Variants in PPP1R9A observed in about 807,000 individuals in gnomAD.
PPP1R9A encodes the protein protein phosphatase 1 regulatory subunit 9A.
Under a neutral mutation model 141.9 loss-of-function variants are expected in PPP1R9A, and 59 were observed. That is an observed-to-expected ratio of 0.42 (90% confidence interval 0.34 to 0.52). PPP1R9A has a LOEUF of 0.52. Ranked by LOEUF, PPP1R9A falls within the 20% of genes least tolerant of loss-of-function variation. PPP1R9A has a pLI of 0.10. For synonymous variants in PPP1R9A, 500 were observed against 569.7 expected (o/e 0.88, Z 1.74); for missense variants, 1,444 against 1,611.9 (o/e 0.90, Z 1.78).
chr7:94,996,421 AAAAAGTCCTCTTTAG>A (rs1245342454), intron 2 of PPP1R9A, among the ~76,000 whole-genome samples: 2 of 152,326 alleles, frequency 1.3e-5, no homozygotes, highest in East Asian at 3.9e-4. Context: ...TATCTGACAA[AAAAAGTCCTCTTTAG>A]ACTTTTTAAA....
chr7:94,991,729 G>T (rs557551880), intron 2 of PPP1R9A, among the ~76,000 whole-genome samples: 41 of 152,112 alleles, frequency 2.7e-4, no homozygotes, highest in African/African-American at 9.2e-4. Flanking sequence ...ATGGCTCACC[G>T]CAGCCTTGAC....
At chr7:95,079,423 G>C (rs1260407772) in intron 2 of PPP1R9A, among the ~76,000 whole-genome samples, 2 of 152,032 alleles carry the variant, frequency 1.3e-5, no homozygotes, top group African/African-American at 4.8e-5. Flanking sequence ...CCAATAACAG[G>C]CTCTGAAATT....
At chr7:94,965,206 A>G (rs866736019) in intron 2 of PPP1R9A, among the ~76,000 whole-genome samples, 1 of 151,670 alleles carries the variant, frequency 6.6e-6, no homozygotes, top group Non-Finnish European at 1.5e-5. Context: ...TTCTTTGTAG[A>G]TTCTGGATAT....
intron 5 of PPP1R9A, among the ~76,000 whole-genome samples, chr7:95,175,821 A>T (rs1057289433): frequency 3.3e-5 from 5 of 152,182 alleles, no homozygotes; most frequent in Non-Finnish European, 7.4e-5. Flanking sequence ...GGAACCATAT[A>T]ACTTCTGATG....
intron 4 of PPP1R9A, among the ~76,000 whole-genome samples, chr7:95,150,471 T>C (rs1828458115): frequency 6.6e-6 from 1 of 152,000 alleles, no homozygotes; most frequent in Non-Finnish European, 1.5e-5. Context: ...CCTGGCTAAT[T>C]TTTTTGTATT....
chr7:95,234,611 A>G (rs1796426198), intron 8 of PPP1R9A, among the ~76,000 whole-genome samples: 1 of 152,178 alleles, frequency 6.6e-6, no homozygotes, highest in South Asian at 2.1e-4. Context: ...GCAAAAAGCA[A>G]TCTACAAATT....
chr7:95,026,090 C>T (rs1366439917), intron 2 of PPP1R9A, among the ~76,000 whole-genome samples: 1 of 152,172 alleles, frequency 6.6e-6, no homozygotes, highest in Non-Finnish European at 1.5e-5. Flanking sequence ...GTTTGTCAAA[C>T]TCATTCTCCA....
intron 17 of PPP1R9A, 69 bp from the exon 18 acceptor site, chr7:95,286,137 T>C: frequency 6.3e-7 from 1 of 1,588,548 alleles, no homozygotes; most frequent in Non-Finnish European, 8.6e-7. Flanking sequence ...CTTTTAGAGC[T>C]TGTAGACACA....
At chr7:95,095,583 A>G (rs1563228914) in intron 2 of PPP1R9A, among the ~76,000 whole-genome samples, 1 of 152,232 alleles carries the variant, frequency 6.6e-6, no homozygotes, top group East Asian at 1.9e-4. Context: ...ATTTAGCTGT[A>G]TATTGACATT....
intron 17 of PPP1R9A, 105 bp from the exon 18 acceptor site, chr7:95,286,101 T>G: frequency 6.7e-7 from 1 of 1,482,934 alleles, no homozygotes. Context: ...ATACATGAAT[T>G]TCTGCTAAGA....
At position 94,932,845 on chromosome 7, in the gene PPP1R9A, A is replaced by T. The variant is rs1794327594; in HGVS notation, c.1395+21337A>T. 2.1e-5 allele frequency among the ~76,000 whole-genome samples: 3 copies of T among 143,750 alleles called. No homozygotes were observed. In the South Asian group the frequency reaches 6.5e-4, roughly 31 times the overall value. 94.3% of individuals were successfully genotyped at this position (143,750 alleles called of 152,430 possible). A position where few individuals can be genotyped will look rare whatever the true frequency, so the allele number is the denominator to read the frequency against. On this transcript the variant is annotated intron_variant, in intron 2 of 19. Transcript: ENST00000433360. ...ATTCCACTATGCATTCTCCCGTGTG[A>T]CTGCTGTCACATACCTGAGAGACAG...
chr7:95,156,665 G>C (rs1437578148), intron 4 of PPP1R9A: 1 of 152,364 alleles, frequency 6.6e-6, no homozygotes, highest in Non-Finnish European at 1.5e-5. Flanking sequence ...GCAGAAAGGA[G>C]ACCCTGGAGA....
chr7:95,036,497 T>C (rs755113581), intron 2 of PPP1R9A: 5 of 152,180 alleles, frequency 3.3e-5, no homozygotes, highest in African/African-American at 4.8e-5. Context: ...ATAGCTAATA[T>C]GGTTGCTGCA....
intron 5 of PPP1R9A, among the ~76,000 whole-genome samples, chr7:95,194,309 A>G (rs552657965): frequency 2.5e-4 from 38 of 152,186 alleles, no homozygotes; most frequent in African/African-American, 7.9e-4. Context: ...ATGTATCTTT[A>G]ACCATAAAAA....
chr7:94,939,804 A>G (rs908021702), intron 2 of PPP1R9A, among the ~76,000 whole-genome samples: 1 of 125,920 alleles, frequency 7.9e-6, no homozygotes, highest in Admixed American at 8.1e-5. Context: ...GTATACATAC[A>G]TGTATATATG....
At chr7:95,024,264 T>C (rs1395386829) in intron 2 of PPP1R9A, among the ~76,000 whole-genome samples, 1 of 152,102 alleles carries the variant, frequency 6.6e-6, no homozygotes, top group Non-Finnish European at 1.5e-5. Context: ...TGATTTGGGG[T>C]GGAGATTTCT....
intron 13 of PPP1R9A, 58 bp from the exon 14 acceptor site, chr7:95,269,149 A>AT: frequency 7.0e-7 from 1 of 1,430,044 alleles, no homozygotes; most frequent in Non-Finnish European, 9.4e-7. Flanking sequence ...CAAAGTAAGT[A>AT]TTGCATAGAA....
At chr7:95,051,031 T>C (rs1156380595) in intron 2 of PPP1R9A, among the ~76,000 whole-genome samples, 2 of 152,164 alleles carry the variant, frequency 1.3e-5, no homozygotes, top group Non-Finnish European at 2.9e-5. Flanking sequence ...GTCATCACTA[T>C]CCAGAGTTAT....
intron 2 of PPP1R9A, among the ~76,000 whole-genome samples, chr7:94,944,125 C>T (rs994284950): frequency 5.3e-5 from 8 of 152,106 alleles, no homozygotes; most frequent in African/African-American, 1.9e-4. Flanking sequence ...AGATATCCAT[C>T]ACGTTATACT....
Sources: gnomAD v4.1 joint callset for allele counts (sites outside exome capture counted in the v4.1 genomes callset) on GRCh38, gnomAD v4.1.1 for gene constraint, MANE v1.5 for transcripts, NCBI Gene and HGNC (gene_info 2026-07-23, HGNC 2026-07-21) for gene names.